ING1: variants seen among roughly 807,000 people sequenced by gnomAD.
ING1 encodes the protein inhibitor of growth family member 1.
ING1 carries 4 observed loss-of-function variants against 23.1 expected under a neutral mutation model. That is an observed-to-expected ratio of 0.17 (90% CI 0.09 to 0.40). The LOEUF is 0.40. Among genes scored for constraint, ING1 ranks in the 10% least tolerant of loss-of-function variants. The pLI, the probability that ING1 is intolerant of heterozygous loss-of-function variation, is 1.00. For synonymous variants in ING1, 179 were observed against 166.4 expected, an observed-to-expected ratio of 1.08 and a Z score of -0.58; for missense variants, 256 against 393.8, an observed-to-expected ratio of 0.65 and a Z score of 2.96.
At chr13:110,716,084 G>A in intron 1 of ING1, 1 of 1,422,998 alleles carries the variant, frequency 7.0e-7, no homozygotes, top group African/African-American at 1.5e-5. Context: ...TCCTCGGGCC[G>A]GACGGGCCCC....
rs759591754 is a variant in ING1 at position 110,719,285 on chromosome 13, G to A, written c.193G>A (p.Ala65Thr). 1.9e-6 allele frequency: 3 copies of A among 1,611,812 alleles called. No individual in the cohort carries two copies. The highest frequency in any genetic ancestry group is 2.5e-6 in the Non-Finnish European group (3 of 1,179,950). The change falls in exon 2 of 2, where the codon GCG becomes ACG. Residue 65 changes from alanine (A) to threonine (T), a missense_variant. Ala to Thr is a moderately conservative substitution (Grantham distance 58, BLOSUM62 0). Around this residue, in one of 3 missense-constraint regions of ING1, gnomAD observed 209 missense variants for 273.8 expected, o/e 0.76. Coordinates refer to ENST00000333219, the MANE Select transcript of ING1 (RefSeq NM_198219.3). The surrounding 1 kb of genome is among the most constrained non-coding windows in gnomAD (Gnocchi z 8.9). ...GCGCTTCAGTCGCGAGACAGACGGG[G>A]CGCAGAAGCGGCGGATGCTGCACTG... ...YERFSRETDG[A>T]QKRRMLHCVQ... is the part of the protein sequence containing the mutation.
upstream of ING1, chr13:110,713,392 C>G (rs1461731557): frequency 9.7e-7 from 1 of 1,032,284 alleles, no homozygotes; most frequent in Non-Finnish European, 1.2e-6. Flanking sequence ...TCCCAGCGGG[C>G]GTGCTGTGCC....
chr13:110,714,285 G>A lies in ING1; in HGVS notation c.136G>A (p.Glu46Lys). The A allele has an allele frequency of 6.4e-7, 1 of 1,562,000 alleles. No homozygotes were observed. The highest frequency in any genetic ancestry group is 8.6e-7 in the Non-Finnish European group (1 of 1,156,162). ...GCGGGAGATCGACGCGAAATACCAA[G>A]GTACGGCCGGGTGATGGATGGGCGG... The part of the protein sequence containing the change: ...LMREIDAKYQ[E>K]ILKELDECYE... Residue 46 changes from glutamate to lysine, a missense_variant and splice_region_variant, in exon 1 of 2, where the codon GAG becomes AAG. Coordinates refer to ENST00000333219, the MANE Select transcript of ING1 (RefSeq NM_198219.3).
At chr13:110,713,526 A>G, upstream of ING1, 2 of 986,242 alleles carry the variant, frequency 2.0e-6, no homozygotes, top group Middle Eastern at 5.2e-4. Context: ...AAAAAGTGAC[A>G]GGCAAGGCCA....
At chr13:110,713,454 C>G, upstream of ING1, 2 of 991,508 alleles carry the variant, frequency 2.0e-6, no homozygotes, top group Non-Finnish European at 2.4e-6. Flanking sequence ...AAGTTTGCGC[C>G]TCGCCCGCCG....
upstream of ING1, chr13:110,713,576 G>A: frequency 1.0e-6 from 1 of 985,862 alleles, no homozygotes; most frequent in Non-Finnish European, 1.2e-6. Context: ...CAGCCCCCAG[G>A]GCCTGGGACG....
In ING1 at chr13:110,715,819, C is replaced by T. The variant is rs1207616926; in HGVS notation, c.136+1534C>T. On this transcript the variant is annotated intron_variant, in intron 1 of 1. Coordinates refer to ENST00000333219, the MANE Select transcript of ING1 (RefSeq NM_198219.3). ...GGAGGCCTGGCGGGTGTCGCCCCGG[C>T]CCCTCTCCCCGCTCAGCCCGGCCAC... 2 of 1,584,180 alleles carry T rather than the reference C, an allele frequency of 1.3e-6. No homozygotes were observed. Among genetic ancestry groups the T allele is most frequent in the Admixed American group, 1.8e-5 (1 of 56,336 alleles).
intron 1 of ING1, among the ~76,000 whole-genome samples, chr13:110,716,204 C>T (rs2064121765): frequency 6.6e-6 from 1 of 152,204 alleles, no homozygotes; most frequent in South Asian, 2.1e-4. Context: ...TTCCAGCTGT[C>T]CAGACAGCAA....
chr13:110,716,046 G>A (rs750302965), intron 1 of ING1: 3 of 1,477,006 alleles, frequency 2.0e-6, no homozygotes, highest in Non-Finnish European at 2.7e-6. Context: ...GGGGACCCTC[G>A]GCGCAGAAAC....
At chr13:110,713,146 G>T, upstream of ING1, 1 of 1,430,334 alleles carries the variant, frequency 7.0e-7, no homozygotes, top group South Asian at 1.5e-5. Context: ...CGGTCTCCCC[G>T]CCTCCTCTTC....
At position 110,714,838 on chromosome 13, in the gene ING1, C is replaced by T. The variant is rs376908877; in HGVS notation, c.136+553C>T. The T allele has an allele frequency of 1.6e-3, 519 of 334,736 alleles. 5 individuals are homozygous for T. Among genetic ancestry groups the T allele is most frequent in the African/African-American group, 0.011 (495 of 44,930 alleles). 20.7% of individuals were successfully genotyped at this position (334,736 alleles called of 1,614,324 possible). A position where few individuals can be genotyped will look rare whatever the true frequency, so the allele number is the denominator to read the frequency against. On this transcript the variant is annotated intron_variant, in intron 1 of 1. Transcript: ENST00000333219. ...AGTACTCCGCTCGGGGTAGGTCGGC[C>T]GCCCCCGCCCAGCCCCCTCCGGCCC...
intron 1 of ING1, chr13:110,714,885 G>C: frequency 2.7e-6 from 2 of 751,406 alleles, no homozygotes; most frequent in Non-Finnish European, 3.3e-6. Flanking sequence ...TGGACACCGA[G>C]TAGGGGCCGA....
upstream of ING1, chr13:110,712,778 G>C (rs557366127): frequency 1.1e-5 from 8 of 716,004 alleles, no homozygotes. Flanking sequence ...GAAGAGATAA[G>C]GCCTAGGGAA....
rs1594451902 is a variant in ING1, at chr13:110,714,887, A to G, written c.136+602A>G. The G allele has an allele frequency of 8.1e-6, 6 of 736,348 alleles. No homozygotes were observed. In the East Asian group the frequency reaches 5.2e-4, roughly 63 times the overall value. The allele number at this position is 736,348 out of a possible 1,614,324, so 45.6% of individuals were successfully genotyped here. On this transcript the variant is annotated intron_variant, in intron 1 of 1. Coordinates refer to ENST00000333219, the MANE Select transcript of ING1 (RefSeq NM_198219.3). ...CCTCACTTGGAGCTGGACACCGAGTAGGGGCCGACTGCGAGGGGCGACGCC... is the reference window on the plus strand; with the variant it reads ...CCTCACTTGGAGCTGGACACCGAGTGGGGGCCGACTGCGAGGGGCGACGCC...
intron 1 of ING1, chr13:110,715,361 A>G: frequency 6.7e-7 from 1 of 1,489,514 alleles, no homozygotes. Flanking sequence ...TCTATCCGAG[A>G]CGTAGCTTCG....
rs2064181629 is a variant in ING1 at position 110,723,117 on chromosome 13, T to C, written c.*3185T>C. On this transcript the variant is annotated 3_prime_UTR_variant, in exon 2 of 2. Transcript: ENST00000333219. Reference sequence around the variant, plus strand: ...TGTAAACTGGACTAAAGAAACGTTGTATGTTCAAGGAAGTGTTGAGCAGCC... The same window carrying C: ...TGTAAACTGGACTAAAGAAACGTTGCATGTTCAAGGAAGTGTTGAGCAGCC... The C allele has an allele frequency of 6.6e-6, 1 of 152,232 alleles. No individual in the cohort carries two copies. The highest frequency in any genetic ancestry group is 1.5e-5 in the Non-Finnish European group (1 of 68,044). The allele number at this position is 152,232 out of a possible 1,614,324, so 9.4% of individuals were successfully genotyped here.
At chr13:110,715,892 C>G (rs767335416) in intron 1 of ING1, 41 of 1,587,910 alleles carry the variant, frequency 2.6e-5, no homozygotes, top group Non-Finnish European at 2.7e-5. Flanking sequence ...GGCCTGTGGG[C>G]TCGGGGCCGG....
chr13:110,713,919 C>A lies in ING1; in HGVS notation c.-231C>A, dbSNP rs1279377320. On this transcript the variant is annotated 5_prime_UTR_variant, in exon 1 of 2. Coordinates refer to ENST00000333219, the MANE Select transcript of ING1 (RefSeq NM_198219.3). ...GGCCTGCGCCGCCGGCCGGGGCGTGCGCCCGGGAGCCACCGCCACCGCGGC... is the reference window on the plus strand; with the variant it reads ...GGCCTGCGCCGCCGGCCGGGGCGTGAGCCCGGGAGCCACCGCCACCGCGGC... The A allele has an allele frequency of 1.3e-5, 13 of 985,534 alleles. No individual in the cohort carries two copies. The highest frequency in any genetic ancestry group is 1.2e-4 in the Admixed American group (2 of 16,036). The allele number at this position is 985,534 out of a possible 1,614,324, so 61.0% of individuals were successfully genotyped here.
Position 110,721,578 on chromosome 13 carries a change from T to C in ING1, c.*1646T>C, listed in dbSNP as rs530038599. 1 of 148,382 alleles carries C rather than the reference T, an allele frequency of 6.7e-6. No homozygotes were observed. Among genetic ancestry groups the C allele is most frequent in the East Asian group, 2.0e-4 (1 of 5,058 alleles). The allele number at this position is 148,382 out of a possible 1,614,324, so 9.2% of individuals were successfully genotyped here. ...TGCCCGGCTGGAGTTTTCATTTTTT[T>C]TTTTTTTTTTTTTTCTGAGATGGAG... On this transcript the variant is annotated 3_prime_UTR_variant, in exon 2 of 2. Coordinates refer to ENST00000333219, the MANE Select transcript of ING1 (RefSeq NM_198219.3).
Sources: gnomAD v4.1 joint callset for allele counts (sites outside exome capture counted in the v4.1 genomes callset) on GRCh38, gnomAD v4.1.1 for gene constraint, gnomAD v4.1.1 regional missense constraint, Gnocchi (gnomAD v3.1) non-coding constraint, MANE v1.5 for transcripts, NCBI Gene and HGNC (gene_info 2026-07-23, HGNC 2026-07-21) for gene names.